Variants in SUCLG1 observed in about 807,000 individuals in gnomAD.
SUCLG1 encodes the protein succinate-CoA ligase GDP/ADP-forming subunit alpha.
Under a neutral mutation model 37.3 loss-of-function variants are expected in SUCLG1, and 26 were observed. That is an observed-to-expected ratio of 0.70 (90% CI 0.51 to 0.97). The LOEUF is 0.97. SUCLG1 is among the 50% of genes least tolerant of loss of function. SUCLG1 has a pLI of 0.00. For missense variants in SUCLG1, 433 were observed against 432.9 expected, an observed-to-expected ratio of 1.00 and a Z score of 0.00; for synonymous variants, 163 against 155.6, an observed-to-expected ratio of 1.05 and a Z score of -0.36.
chr2:84,425,721 C>A (rs1672527797), intron 7 of SUCLG1, 118 bp from the exon 8 acceptor site: 1 of 1,135,714 alleles, frequency 8.8e-7, no homozygotes, highest in Non-Finnish European at 1.3e-6. Context: ...GCCCACCATT[C>A]ATCTTAGGAA....
intron 1 of SUCLG1, 101 bp downstream of exon 1, chr2:84,459,072 G>T: frequency 8.2e-7 from 1 of 1,221,348 alleles, no homozygotes; most frequent in Non-Finnish European, 1.1e-6. Context: ...CCCCCGCCGA[G>T]GTCCAGCCCT....
intron 2 of SUCLG1, among the ~76,000 whole-genome samples, chr2:84,447,303 A>AAC (rs1672865048): frequency 6.6e-6 from 1 of 151,600 alleles, no homozygotes; most frequent in Non-Finnish European, 1.5e-5. Context: ...CTTACTTTAA[A>AAC]AACAACAAAA....
Position 84,459,272 on chromosome 2 carries a change from G to A in SUCLG1, c.-3C>T, listed in dbSNP as rs1182242220. On this transcript the variant is annotated 5_prime_UTR_variant, in exon 1 of 9. Coordinates refer to ENST00000393868, the MANE Select transcript of SUCLG1 (RefSeq NM_003849.4). ...GCAGCGGCAAGGGTTGCGGTCATAC[G>A]CCAATGACACTCCCAGGCCCCCGGG... 1 of 1,550,454 alleles carries A rather than the reference G, an allele frequency of 6.4e-7. No homozygotes were observed. Among genetic ancestry groups the A allele is most frequent in the Non-Finnish European group, 8.7e-7 (1 of 1,146,660 alleles).
At chr2:84,434,736 A>G (rs187269880) in intron 5 of SUCLG1, among the ~76,000 whole-genome samples, 17 of 137,052 alleles carry the variant, frequency 1.2e-4, no homozygotes, top group South Asian at 2.3e-4. Context: ...GACAAAAACC[A>G]TAACTATAAG....
intron 2 of SUCLG1, among the ~76,000 whole-genome samples, chr2:84,445,393 T>C (rs1201717629): frequency 6.6e-6 from 1 of 152,100 alleles, no homozygotes; most frequent in Non-Finnish European, 1.5e-5. Context: ...ATATCATCCA[T>C]ATGGTGACCC....
In SUCLG1 at chr2:84,431,503, C is replaced by T. The variant is rs1672613627; in HGVS notation, c.825+5G>A. The T allele has an allele frequency of 6.2e-7, 1 of 1,613,806 alleles. No individual in the cohort carries two copies. Among genetic ancestry groups the T allele is most frequent in the African/African-American group, 1.3e-5 (1 of 74,918 alleles). Reference sequence around the variant, plus strand: ...AGAGCTATGTTTTTCCAAACCCAAACTTACTGAATTATGTTGCTTCAAAAA... The same window carrying T: ...AGAGCTATGTTTTTCCAAACCCAAATTTACTGAATTATGTTGCTTCAAAAA... On this transcript the variant is annotated splice_donor_5th_base_variant and intron_variant, in intron 7 of 8. Coordinates refer to ENST00000393868, the MANE Select transcript of SUCLG1 (RefSeq NM_003849.4).
At chr2:84,427,920 CT>C (rs1031232080) in intron 7 of SUCLG1, among the ~76,000 whole-genome samples, 2 of 152,082 alleles carry the variant, frequency 1.3e-5, no homozygotes, top group Admixed American at 6.5e-5. Context: ...GTGAAACTGG[CT>C]TTTTTTTTCT....
At chr2:84,457,600 G>A (rs1293758699) in intron 1 of SUCLG1, among the ~76,000 whole-genome samples, 1 of 152,134 alleles carries the variant, frequency 6.6e-6, no homozygotes, top group East Asian at 1.9e-4. Flanking sequence ...CTGAGGCTAG[G>A]ATCTTTCAGA....
intron 2 of SUCLG1, 130 bp downstream of exon 2, chr2:84,449,519 A>T (rs1242381615): frequency 4.7e-6 from 3 of 633,268 alleles, no homozygotes; most frequent in Non-Finnish European, 8.0e-6. Flanking sequence ...CCTGAGATAC[A>T]ACCCCATTGC....
intron 2 of SUCLG1, among the ~76,000 whole-genome samples, chr2:84,445,130 G>A (rs537343112): frequency 5.9e-5 from 9 of 152,286 alleles, no homozygotes; most frequent in Middle Eastern, 3.4e-3. Flanking sequence ...TATTGATTGG[G>A]GAAGTGATAA....
chr2:84,455,901 TTGCCC>T (rs1385999776), intron 1 of SUCLG1, among the ~76,000 whole-genome samples: 1 of 152,122 alleles, frequency 6.6e-6, no homozygotes, highest in Non-Finnish European at 1.5e-5. Flanking sequence ...AATGAAATTG[TTGCCC>T]TGTACTTAAA....
At chr2:84,456,952 G>A (rs1260623706) in intron 1 of SUCLG1, among the ~76,000 whole-genome samples, 5 of 152,024 alleles carry the variant, frequency 3.3e-5, no homozygotes, top group African/African-American at 7.2e-5. Flanking sequence ...ATGAGCCACC[G>A]TGCCAGGCCA....
At chr2:84,449,241 A>T (rs540975961) in intron 2 of SUCLG1, among the ~76,000 whole-genome samples, 1 of 152,318 alleles carries the variant, frequency 6.6e-6, no homozygotes, top group Admixed American at 6.5e-5. Flanking sequence ...ATTTCTCCAC[A>T]CTGAATATGG....
intron 7 of SUCLG1, 118 bp downstream of exon 7, chr2:84,431,390 A>T: frequency 7.3e-7 from 1 of 1,368,010 alleles, no homozygotes; most frequent in South Asian, 1.2e-5. Context: ...CCCTGCTCAG[A>T]AAGTTTTATC....
chr2:84,445,137 A>G (rs891743337), intron 2 of SUCLG1, among the ~76,000 whole-genome samples: 2 of 152,262 alleles, frequency 1.3e-5, no homozygotes, highest in Admixed American at 6.5e-5. Flanking sequence ...TGGGGAAGTG[A>G]TAAGTGTCCA....
intron 3 of SUCLG1, 94 bp downstream of exon 3, chr2:84,443,190 T>A: frequency 9.0e-7 from 1 of 1,111,594 alleles, no homozygotes; most frequent in Non-Finnish European, 1.4e-6. Flanking sequence ...AGCAAGTGAC[T>A]CTACCAAAAA....
intron 1 of SUCLG1, among the ~76,000 whole-genome samples, chr2:84,454,829 T>A (rs75561199): frequency 6.6e-6 from 1 of 152,256 alleles, no homozygotes. Flanking sequence ...AAAGAGCACC[T>A]GCCCAGGAGA....
chr2:84,426,758 T>A (rs1672541319), intron 7 of SUCLG1: 1 of 151,796 alleles, frequency 6.6e-6, no homozygotes, highest in Non-Finnish European at 1.5e-5. Context: ...AGTCCAGAGA[T>A]AATAAGGAAC....
At chr2:84,426,692 T>TC (rs1286834580) in intron 7 of SUCLG1, 4 of 151,464 alleles carry the variant, frequency 2.6e-5, no homozygotes, top group Non-Finnish European at 5.9e-5. Context: ...CATAAACTAA[T>TC]ATATGAATAT....
Sources: gnomAD v4.1 joint callset for allele counts (sites outside exome capture counted in the v4.1 genomes callset) on GRCh38, gnomAD v4.1.1 for gene constraint, MANE v1.5 for transcripts, NCBI Gene and HGNC (gene_info 2026-07-23, HGNC 2026-07-21) for gene names.